Variants in AJUBA observed in about 807,000 individuals in gnomAD.
AJUBA encodes the protein ajuba LIM protein.
A neutral mutation model predicts 53.3 loss-of-function variants in AJUBA; 20 were observed. That is an observed-to-expected ratio of 0.38 (90% CI 0.26 to 0.55). The LOEUF is 0.55. Ranked by LOEUF, AJUBA falls within the 20% of genes least tolerant of loss-of-function variation. AJUBA has a pLI of 0.80. For missense variants in AJUBA, 580 were observed against 730.5 expected, an observed-to-expected ratio of 0.79 and a Z score of 2.38; for synonymous variants, 296 against 306.2, an observed-to-expected ratio of 0.97 and a Z score of 0.35.
In AJUBA at chr14:22,972,135, A is replaced by G. The variant is rs2139343182; in HGVS notation, c.*1308T>C. On this transcript the variant is annotated 3_prime_UTR_variant, in exon 8 of 8. Coordinates refer to ENST00000262713, the MANE Select transcript of AJUBA (RefSeq NM_032876.6). ...CTTTAAGCAAACAAGTTTTCAGTAA[A>G]TTGGTTTTAAGAGATCTAGCTTTAG... The G allele has an allele frequency of 6.5e-6, 1 of 152,688 alleles. No individual in the cohort carries two copies. The highest frequency in any genetic ancestry group is 2.1e-4 in the South Asian group (1 of 4,832). 9.5% of individuals were successfully genotyped at this position (152,688 alleles called of 1,614,324 possible).
chr14:22,981,886 G>A lies in AJUBA; in HGVS notation c.381C>T (p.Ser127=). The change falls in exon 1 of 8, where the codon AGC becomes AGT. Residue 127 remains serine (S), a synonymous_variant. Transcript: ENST00000262713. ...ALSPRSSFAS[S]SASDASKPSS... ...ACGGCTTGCTCGCGTCGCTGGCCGA[G>A]CTACTGGCGAAGCTAGAGCGGGGGC... 6.5e-7 allele frequency: 1 copy of A among 1,542,218 alleles called. No homozygotes were observed. The highest frequency in any genetic ancestry group is 8.7e-7 in the Non-Finnish European group (1 of 1,149,364).
At chr14:22,975,223 A>C in intron 4 of AJUBA, 119 bp from the exon 5 acceptor site, 1 of 1,347,062 alleles carries the variant, frequency 7.4e-7, no homozygotes, top group Non-Finnish European at 1.0e-6. Context: ...TCCCAGAACA[A>C]TGCTATGTAA....
In AJUBA at chr14:22,979,838, T is replaced by C. The variant is rs2045071031; in HGVS notation, c.1007-1393A>G. Among the ~76,000 whole-genome samples the C allele has an allele frequency of 6.6e-6, 1 of 152,216 alleles. No homozygotes were observed. Among genetic ancestry groups the C allele is most frequent in the Non-Finnish European group, 1.5e-5 (1 of 68,036 alleles). ...TGAGTTCCTTTCTTCCTTTTGGCTC[T>C]GATGGTTCAGCCAAAAAGACTTCTT... is the stretch of plus-strand genomic sequence containing the variant. On this transcript the variant is annotated intron_variant, in intron 1 of 7. Transcript: ENST00000262713. The surrounding 1 kb of genome is among the most constrained non-coding windows in gnomAD (Gnocchi z 4.0).
At position 22,982,141 on chromosome 14, in the gene AJUBA, C is replaced by G. The variant is rs1429167844; in HGVS notation, c.126G>C (p.Gly42=). The G allele has an allele frequency of 6.2e-7, 1 of 1,609,918 alleles. No individual in the cohort carries two copies. The highest frequency in any genetic ancestry group is 8.5e-7 in the Non-Finnish European group (1 of 1,178,146). Residue 42 remains glycine (G), a synonymous_variant, in exon 1 of 8, where the codon GGG becomes GGC. Coordinates refer to ENST00000262713, the MANE Select transcript of AJUBA (RefSeq NM_032876.6). Reference sequence around the variant, plus strand: ...CTCGGGGCCCTGACTTCCTAGGTCCCCCCAACCCACTTAGGCGCCCCTTGC... The same window carrying G: ...CTCGGGGCCCTGACTTCCTAGGTCCGCCCAACCCACTTAGGCGCCCCTTGC... ...GPGKGRLSGL[G]GPRKSGPRGA...
At chr14:22,973,949 T>C in intron 7 of AJUBA, 98 bp downstream of exon 7, 1 of 1,409,594 alleles carries the variant, frequency 7.1e-7, no homozygotes, top group Non-Finnish European at 1.0e-6. Context: ...TCCCATGCCC[T>C]ACACCTCTCC....
rs1175827026 is a variant in AJUBA at position 22,979,143 on chromosome 14, A to G, written c.1007-698T>C. The G allele has an allele frequency of 1.6e-6, 2 of 1,235,088 alleles. No individual in the cohort carries two copies. The highest frequency in any genetic ancestry group is 1.0e-6 in the Non-Finnish European group (1 of 965,092). The allele number at this position is 1,235,088 out of a possible 1,614,324, so 76.5% of individuals were successfully genotyped here. On this transcript the variant is annotated intron_variant, in intron 1 of 7. Transcript: ENST00000262713. This position sits in a 1 kb window ranked among gnomAD's most constrained non-coding sequence, Gnocchi z 4.0. Reference sequence around the variant, plus strand: ...CCCTGATGCCTCCTAGTCACCTTCTATCATGGGAAGAATACAGAACTGAAC... The same window carrying G: ...CCCTGATGCCTCCTAGTCACCTTCTGTCATGGGAAGAATACAGAACTGAAC...
At chr14:22,976,618 T>A in intron 3 of AJUBA, 27 bp downstream of exon 3, 7 of 1,613,468 alleles carry the variant, frequency 4.3e-6, no homozygotes, top group Non-Finnish European at 5.9e-6. Flanking sequence ...TGGAAACCAA[T>A]TCCAGGTCCA....
chr14:22,976,111 C>T (rs1449336557), intron 4 of AJUBA, among the ~76,000 whole-genome samples: 3 of 140,022 alleles, frequency 2.1e-5, no homozygotes, highest in Admixed American at 7.7e-5. Flanking sequence ...TGCAGTGAGC[C>T]GAGATCATTC....
chr14:22,976,923 G>A, intron 2 of AJUBA: 1 of 1,400,964 alleles, frequency 7.1e-7, no homozygotes, highest in South Asian at 1.7e-5. Context: ...CCTCTCCTCT[G>A]CTTGCTGCTC....
intron 1 of AJUBA, 36 bp from the exon 2 acceptor site, chr14:22,978,481 G>A (rs1176043948): frequency 3.8e-6 from 6 of 1,592,404 alleles, no homozygotes; most frequent in Non-Finnish European, 5.2e-6. Flanking sequence ...TACTCCCCCA[G>A]GTCAAAACCA....
At chr14:22,977,220 G>A (rs765374843) in intron 2 of AJUBA, 76 of 987,490 alleles carry the variant, frequency 7.7e-5, no homozygotes, top group Non-Finnish European at 8.9e-5. Flanking sequence ...CAGGACTGGA[G>A]TTACTGCAGA....
In AJUBA at chr14:22,981,258, C is replaced by T; in HGVS notation, c.1006+3G>A. ...CCCGTCCCTAACCACTTCTCTCACT[C>T]ACCGAAGTAGTCCTCCCTGGCCTCT... On this transcript the variant is annotated splice_donor_region_variant and intron_variant, in intron 1 of 7. Transcript: ENST00000262713. The T allele has an allele frequency of 1.3e-6, 2 of 1,598,438 alleles. No homozygotes were observed. Among genetic ancestry groups the T allele is most frequent in the South Asian group, 1.1e-5 (1 of 89,624 alleles).
chr14:22,981,830 C>G lies in AJUBA; in HGVS notation c.437G>C (p.Gly146Ala). 1 of 1,534,142 alleles carries G rather than the reference C, an allele frequency of 6.5e-7. No homozygotes were observed. The highest frequency in any genetic ancestry group is 8.7e-7 in the Non-Finnish European group (1 of 1,146,136). The change falls in exon 1 of 8, where the codon GGG (glycine) becomes GCG (alanine). Residue 146 changes from glycine (G) to alanine (A), a missense_variant. Transcript: ENST00000262713. ...ACCTCCAGCTCCGCCAGCCCCCGCC[C>G]CGTCCAGCAGCAGGCTGCCCCGGGG... The part of the protein sequence containing the change: ...SSPRGSLLLD[G>A]AGAGGAGGSR...
intron 2 of AJUBA, chr14:22,977,365 G>GA (rs1440188098): frequency 4.1e-6 from 1 of 242,558 alleles, no homozygotes; most frequent in Non-Finnish European, 6.6e-6. Context: ...AGACAAGGCA[G>GA]GACAATTCCC....
At chr14:22,974,275 C>A (rs2139346770) in intron 6 of AJUBA, among the ~76,000 whole-genome samples, 160 bp from the exon 7 acceptor site, 1 of 152,278 alleles carries the variant, frequency 6.6e-6, no homozygotes, top group Middle Eastern at 3.4e-3. Context: ...GCAAATCCTA[C>A]CAGAACTCTC....
intron 7 of AJUBA, 37 bp from the exon 8 acceptor site, chr14:22,973,605 C>G (rs762164753): frequency 6.8e-6 from 11 of 1,610,830 alleles, no homozygotes; most frequent in Middle Eastern, 1.7e-4. Context: ...TCAGCCTAGG[C>G]ACCTTGGACA....
At chr14:22,973,980 A>G in intron 7 of AJUBA, 67 bp downstream of exon 7, 1 of 1,571,316 alleles carries the variant, frequency 6.4e-7, no homozygotes, top group Admixed American at 1.7e-5. Context: ...TGGTTGTTGC[A>G]GGACTTGACT....
At chr14:22,974,787 C>T in intron 6 of AJUBA, 52 bp downstream of exon 6, 1 of 1,576,068 alleles carries the variant, frequency 6.3e-7, no homozygotes, top group Non-Finnish European at 8.6e-7. Flanking sequence ...CCTATCCCCT[C>T]CCCAAAGGCA....
At chr14:22,978,634 T>C (rs1263166808) in intron 1 of AJUBA, 189 bp from the exon 2 acceptor site, 41 of 1,378,050 alleles carry the variant, frequency 3.0e-5, no homozygotes, top group Non-Finnish European at 3.9e-5. Flanking sequence ...TTCTTGTTTA[T>C]TTAATTACTC....
Sources: gnomAD v4.1 joint callset for allele counts (sites outside exome capture counted in the v4.1 genomes callset) on GRCh38, gnomAD v4.1.1 for gene constraint, Gnocchi (gnomAD v3.1) non-coding constraint, MANE v1.5 for transcripts, NCBI Gene and HGNC (gene_info 2026-07-23, HGNC 2026-07-21) for gene names.